Variants in DMD observed in about 807,000 individuals in gnomAD.
The protein encoded by DMD is dystrophin.
A neutral mutation model predicts 330.1 loss-of-function variants in DMD; 63 were observed. The ratio of observed to expected loss-of-function variants is 0.19; its 90% CI spans 0.16 to 0.24. The LOEUF is 0.24. Among genes scored for constraint, DMD ranks in the 10% least tolerant of loss-of-function variants. The pLI is 1.00. For missense variants in DMD, 3,344 were observed against 2,684.1 expected, an observed-to-expected ratio of 1.25 and a Z score of -5.43; for synonymous variants, 1,223 against 959.8, an observed-to-expected ratio of 1.27 and a Z score of -5.07.
At chrX:32,445,551 G>C (rs1185877865) in intron 27 of DMD, among the ~76,000 whole-genome samples, 1 of 110,252 alleles carries the variant, frequency 9.1e-6, no homozygotes, top group Non-Finnish European at 1.9e-5. Context: ...ATTTAAATTA[G>C]AGTACATTTT....
intron 60 of DMD, among the ~76,000 whole-genome samples, chrX:31,442,802 A>G (rs1353733454): frequency 8.9e-6 from 1 of 111,827 alleles, no homozygotes; most frequent in Non-Finnish European, 1.9e-5. Flanking sequence ...AAATTTTAAT[A>G]GTACTCAACT....
intron 44 of DMD, among the ~76,000 whole-genome samples, chrX:32,199,070 T>C (rs1162579812): frequency 5.3e-5 from 6 of 112,150 alleles, no homozygotes; most frequent in Admixed American, 4.7e-4. Context: ...ACGTGCTTAT[T>C]GTGAATGCGA....
intron 1 of DMD, among the ~76,000 whole-genome samples, chrX:33,271,897 T>C (rs2053162969): frequency 9.0e-6 from 1 of 111,338 alleles, no homozygotes; most frequent in South Asian, 3.8e-4. Flanking sequence ...ATTTTTATTT[T>C]TTTTGAGACA....
At chrX:32,275,605 T>A (rs1421648647) in intron 43 of DMD, among the ~76,000 whole-genome samples, 2 of 112,152 alleles carry the variant, frequency 1.8e-5, no homozygotes, top group Non-Finnish European at 3.8e-5. Context: ...GTAAGTGTTT[T>A]GGTGTGTCAG....
At chrX:31,199,328 A>T (rs1015749821) in intron 67 of DMD, among the ~76,000 whole-genome samples, 2 of 112,379 alleles carry the variant, frequency 1.8e-5, no homozygotes, top group Admixed American at 9.4e-5. Context: ...TTTCCCAGTA[A>T]ATGTGTTGAC....
intron 55 of DMD, among the ~76,000 whole-genome samples, chrX:31,626,087 C>T (rs182253519): frequency 2.6e-4 from 29 of 110,840 alleles, no homozygotes; most frequent in African/African-American, 8.2e-4. Context: ...TGGGTTCAAG[C>T]GATTCTCCCA....
At chrX:31,232,994 T>C (rs1050125835) in intron 63 of DMD, among the ~76,000 whole-genome samples, 1 of 112,281 alleles carries the variant, frequency 8.9e-6, no homozygotes, top group African/African-American at 3.2e-5. Flanking sequence ...GAACTTCAAC[T>C]TCAGCAAGGT....
rs764046057 is a variant in DMD at position 31,236,222 on chromosome X, G to A, written c.9287-13101C>T. The stretch of plus-strand genomic sequence containing the variant: ...TGGCCCAGGTCTCTGATGACATCAC[G>A]GAACTCTTCCATAGCTCTCAACTAC... On this transcript the variant is annotated intron_variant, in intron 63 of 78. Transcript: ENST00000357033. Among the ~76,000 whole-genome samples, 18 of 112,094 alleles carry A rather than the reference G, an allele frequency of 1.6e-4. 1 individual carries two copies. The highest frequency in any genetic ancestry group is 1.4e-3 in the Admixed American group (15 of 10,604).
chrX:32,580,326 C>A (rs1353493717), intron 13 of DMD, among the ~76,000 whole-genome samples: 1 of 112,280 alleles, frequency 8.9e-6, no homozygotes, highest in Non-Finnish European at 1.9e-5. Flanking sequence ...CCCCACCCAA[C>A]TTTTGTCTTA....
rs183687359 is a variant in DMD at position 33,041,370 on chromosome X, T to A, written c.32-21170A>T. On this transcript the variant is annotated intron_variant, in intron 1 of 78. Transcript: ENST00000357033. ...CACGGTTACCCCGGCTTTCCGCCCC[T>A]CCTTCTCGCGGGGCTCGAGGGACCA... 3.5e-5 allele frequency: 41 copies of A among 1,178,207 alleles called. No homozygotes were observed. The Admixed American group carries it at 6.9e-4, about 20-fold the overall frequency.
At chrX:31,834,692 G>A (rs886271352) in intron 49 of DMD, among the ~76,000 whole-genome samples, 4 of 111,432 alleles carry the variant, frequency 3.6e-5, no homozygotes, top group East Asian at 2.8e-4. Context: ...CGCCTGCCTC[G>A]GCCTCGCAAA....
intron 50 of DMD, among the ~76,000 whole-genome samples, chrX:31,783,854 A>T (rs6631397): frequency 0.11 from 12,374 of 111,004 alleles, 581 homozygotes; most frequent in East Asian, 0.26. Flanking sequence ...ACAATATTAA[A>T]TAGTCTTAAA....
At chrX:32,658,307 C>A (rs187756497) in intron 9 of DMD, among the ~76,000 whole-genome samples, 119 of 111,069 alleles carry the variant, frequency 1.1e-3, no homozygotes, top group African/African-American at 3.8e-3. Context: ...CAGTGAAAAT[C>A]TTATTCTTCC....
rs373998242 is a variant in DMD at position 32,552,866 on chromosome X, T to C, written c.1993-7532A>G. The stretch of plus-strand genomic sequence containing the variant: ...AGTGCAGATCAAAACCACAATAAGA[T>C]ACCATTTGACACCAGTGAGAATGGC... On this transcript the variant is annotated intron_variant, in intron 16 of 78. Coordinates refer to ENST00000357033, the MANE Select transcript of DMD (RefSeq NM_004006.3). Among the ~76,000 whole-genome samples, 29 of 111,833 alleles carry C rather than the reference T, an allele frequency of 2.6e-4. No homozygotes were observed. The East Asian group carries it at 5.3e-3, about 21-fold the overall frequency.
intron 44 of DMD, among the ~76,000 whole-genome samples, chrX:32,179,806 G>A (rs2096921130): frequency 1.8e-5 from 2 of 111,300 alleles, no homozygotes; most frequent in Non-Finnish European, 3.8e-5. Flanking sequence ...TAAGTCTCAG[G>A]AGATCTGATG....
intron 2 of DMD, among the ~76,000 whole-genome samples, chrX:32,905,949 T>A (rs1234536042): frequency 8.9e-6 from 1 of 111,774 alleles, no homozygotes; most frequent in African/African-American, 3.3e-5. Flanking sequence ...ACTGAATAAT[T>A]TAATACATAA....
chrX:32,067,431 G>C (rs1320676393), intron 44 of DMD, among the ~76,000 whole-genome samples: 2 of 110,043 alleles, frequency 1.8e-5, no homozygotes, highest in African/African-American at 6.6e-5. Flanking sequence ...GCTGAGGTTT[G>C]GGATACAAAT....
intron 76 of DMD, among the ~76,000 whole-genome samples, chrX:31,136,916 T>A (rs990519155): frequency 8.9e-6 from 1 of 112,633 alleles, no homozygotes; most frequent in African/African-American, 3.2e-5. Context: ...GAGTGCCTAT[T>A]ACATTCTAGG....
chrX:32,796,506 A>C (rs1226739336), intron 7 of DMD, among the ~76,000 whole-genome samples: 6 of 111,631 alleles, frequency 5.4e-5, no homozygotes, highest in Non-Finnish European at 1.1e-4. Flanking sequence ...GTACAAATAT[A>C]TAGTTGGAAG....
Sources: gnomAD v4.1 joint callset for allele counts (sites outside exome capture counted in the v4.1 genomes callset) on GRCh38, gnomAD v4.1.1 for gene constraint, MANE v1.5 for transcripts, NCBI Gene and HGNC (gene_info 2026-07-23, HGNC 2026-07-21) for gene names.